Variants in DIAPH3 observed in about 807,000 individuals in gnomAD.
DIAPH3 encodes diaphanous related formin 3, also known as protein diaphanous homolog 3.
In DIAPH3, 117 loss-of-function variants were observed where a neutral mutation model predicts 144.3. The ratio of observed to expected loss-of-function variants is 0.81; its 90% confidence interval spans 0.70 to 0.95. The LOEUF (loss-of-function observed/expected upper bound fraction) is 0.95. Ranked by LOEUF, DIAPH3 falls within the 40% of genes least tolerant of loss-of-function variation. The pLI, the probability that DIAPH3 is intolerant of heterozygous loss-of-function variation, is 0.00. For missense variants in DIAPH3, 1,421 were observed against 1,412.7 expected, an observed-to-expected ratio of 1.01 and a Z score of -0.09; for synonymous variants, 519 against 488.9, an observed-to-expected ratio of 1.06 and a Z score of -0.81.
chr13:59,860,616 T>C (rs2043520417), intron 22 of DIAPH3, among the ~76,000 whole-genome samples: 1 of 151,912 alleles, frequency 6.6e-6, no homozygotes, highest in Non-Finnish European at 1.5e-5. Context: ...CGGGTGCCTG[T>C]AGTCCCAGCT....
Position 59,992,506 on chromosome 13 carries a change from T to C in DIAPH3, c.1092A>G (p.Glu364=). The change falls in exon 10 of 28, where the codon GAA becomes GAG. Residue 364 remains glutamate, a synonymous_variant. Coordinates refer to ENST00000400324, the MANE Select transcript of DIAPH3 (RefSeq NM_001042517.2). ...DLDFRLHIRN[E]FMRCGLKEIL... is the part of the protein sequence containing the mutation. ...TCTCTTTCAATCCACAACGCATAAA[T>C]TCATTTCTGATGTGAAGCCTGAAAT... 3 of 1,612,232 alleles carry C rather than the reference T, an allele frequency of 1.9e-6. No individual in the cohort carries two copies. Among genetic ancestry groups the C allele is most frequent in the Non-Finnish European group, 2.5e-6 (3 of 1,179,116 alleles).
At chr13:59,987,251 C>T (rs2051459788) in intron 12 of DIAPH3, among the ~76,000 whole-genome samples, 1 of 150,916 alleles carries the variant, frequency 6.6e-6, no homozygotes, top group African/African-American at 2.4e-5. Context: ...CGCATATTCT[C>T]ACTCATAGGT....
chr13:60,163,516 G>C, intron 1 of DIAPH3, 71 bp downstream of exon 1: 1 of 1,572,642 alleles, frequency 6.4e-7, no homozygotes, highest in Non-Finnish European at 8.6e-7. Context: ...AAGTTCTTGT[G>C]GGCCCACCCT....
chr13:59,779,255 C>T (rs982741850), intron 25 of DIAPH3, among the ~76,000 whole-genome samples: 8 of 152,190 alleles, frequency 5.3e-5, no homozygotes, highest in Non-Finnish European at 8.8e-5. Flanking sequence ...AACTAACTAC[C>T]TGTGAGACAC....
At position 60,119,766 on chromosome 13, in the gene DIAPH3, A is replaced by G. The variant is rs990215171; in HGVS notation, c.214-7580T>C. ...CGTCTCAAAAAAAAAAAAAAAAAAA[A>G]AAAAAGAAATGATAAATCTTTGCTA... On this transcript the variant is annotated intron_variant, in intron 2 of 27. Transcript: ENST00000400324. Among the ~76,000 whole-genome samples the G allele has an allele frequency of 2.9e-3, 441 of 151,276 alleles. 1 individual carries two copies. Among genetic ancestry groups the G allele is most frequent in the African/African-American group, 9.7e-3 (401 of 41,282 alleles).
At chr13:59,837,752 C>T (rs1488088880) in intron 23 of DIAPH3, 4 of 144,392 alleles carry the variant, frequency 2.8e-5, no homozygotes, top group African/African-American at 1.0e-4. Flanking sequence ...TTGATGAATA[C>T]AGATTTCACC....
intron 24 of DIAPH3, among the ~76,000 whole-genome samples, chr13:59,828,153 T>C (rs2041558971): frequency 6.6e-6 from 1 of 151,932 alleles, no homozygotes; most frequent in South Asian, 2.1e-4. Flanking sequence ...ACCTAGTACC[T>C]CCAATCTGAA....
chr13:60,146,054 C>A (rs887489922), intron 1 of DIAPH3, among the ~76,000 whole-genome samples: 2 of 145,652 alleles, frequency 1.4e-5, no homozygotes, highest in Non-Finnish European at 3.0e-5. Flanking sequence ...CTACTTATTA[C>A]ACCCTCTAAG....
chr13:59,961,515 A>T (rs150727134), intron 17 of DIAPH3, among the ~76,000 whole-genome samples: 92 of 152,308 alleles, frequency 6.0e-4, no homozygotes, highest in African/African-American at 2.1e-3. Flanking sequence ...TGGTTTTAAT[A>T]AAAAATGGCA....
chr13:59,829,644 A>G (rs1016779223), intron 24 of DIAPH3, among the ~76,000 whole-genome samples: 1 of 151,990 alleles, frequency 6.6e-6, no homozygotes, highest in Non-Finnish European at 1.5e-5. Context: ...CAACAAATTT[A>G]TCTATTATAT....
intron 27 of DIAPH3, among the ~76,000 whole-genome samples, chr13:59,766,756 C>T (rs552089809): frequency 1.6e-4 from 24 of 151,676 alleles, no homozygotes; most frequent in African/African-American, 5.1e-4. Context: ...CAGCTATTTT[C>T]CTACTTTTTC....
In DIAPH3 at chr13:59,698,983, AC is replaced by A. The variant is rs1177772853; in HGVS notation, c.3320-32138del. ...GTGATTGCAAAGGATAATCTTTAAT[AC>A]CCAATTATTAATTCAACAGATACTG... On this transcript the variant is annotated intron_variant, in intron 27 of 27. Coordinates refer to ENST00000400324, the MANE Select transcript of DIAPH3 (RefSeq NM_001042517.2). 2.0e-5 allele frequency among the ~76,000 whole-genome samples: 3 copies of A among 152,342 alleles called. No individual in the cohort carries two copies. The East Asian group carries it at 5.8e-4, about 29-fold the overall frequency.
chr13:59,811,429 C>T lies in DIAPH3; in HGVS notation c.3028-506G>A, dbSNP rs148348678. Reference sequence around the variant, plus strand: ...ATTTTTCTAATATAGAGAGAAATGTCGTAAAGGTAACTAAAGAAATATTTC... The same window carrying T: ...ATTTTTCTAATATAGAGAGAAATGTTGTAAAGGTAACTAAAGAAATATTTC... On this transcript the variant is annotated intron_variant, in intron 24 of 27. Transcript: ENST00000400324. Among the ~76,000 whole-genome samples, 265 of 152,094 alleles carry T rather than the reference C, an allele frequency of 1.7e-3. 1 individual carries two copies. The highest frequency in any genetic ancestry group is 0.012 in the East Asian group (62 of 5,168).
Position 60,163,661 on chromosome 13 carries a change from G to A in DIAPH3, c.106C>T (p.Pro36Ser), listed in dbSNP as rs867928919. 1.9e-6 allele frequency: 3 copies of A among 1,607,766 alleles called. No homozygotes were observed. The highest frequency in any genetic ancestry group is 2.2e-5 in the South Asian group (2 of 90,768). Residue 36 changes from proline (P) to serine (S), a missense_variant, in exon 1 of 28, where the codon CCG becomes TCG. Pro to Ser is a moderately conservative substitution (Grantham distance 74, BLOSUM62 -1). Transcript: ENST00000400324. ...SLRGCRESKM[P>S]RRKGPQHPPP... ...GGGTGTTGGGGGCCCTTCCTGCGCG[G>A]CATCTTGCTTTCCCGGCAGCCGCGG...
chr13:59,964,585 T>C (rs1016807798), intron 17 of DIAPH3, among the ~76,000 whole-genome samples: 60 of 152,202 alleles, frequency 3.9e-4, no homozygotes, highest in African/African-American at 1.4e-3. Context: ...AAGTCTTCCT[T>C]GGCTCCAAGC....
At chr13:59,721,846 T>C (rs749102180) in intron 27 of DIAPH3, among the ~76,000 whole-genome samples, 1 of 152,104 alleles carries the variant, frequency 6.6e-6, no homozygotes, top group Non-Finnish European at 1.5e-5. Flanking sequence ...CTGGGTTGCT[T>C]GTGTCCAGAA....
Position 60,163,847 on chromosome 13 carries a change from G to C in DIAPH3, c.-81C>G. On this transcript the variant is annotated 5_prime_UTR_variant, in exon 1 of 28. Transcript: ENST00000400324. ...CTGGAAGCTGAGGGATCGACAACAG[G>C]TTTTACTCCCGGGGTCCGCCACCCA... The C allele has an allele frequency of 6.6e-7, 1 of 1,506,180 alleles. No individual in the cohort carries two copies. Among genetic ancestry groups the C allele is most frequent in the South Asian group, 1.2e-5 (1 of 81,376 alleles). The allele number at this position is 1,506,180 out of a possible 1,614,324, so 93.3% of individuals were successfully genotyped here. A position where few individuals can be genotyped will look rare whatever the true frequency, so the allele number is the denominator to read the frequency against.
intron 23 of DIAPH3, chr13:59,837,587 T>C (rs961002340): frequency 2.0e-5 from 3 of 153,540 alleles, no homozygotes; most frequent in African/African-American, 7.2e-5. Flanking sequence ...GTAGTTCAAT[T>C]AACAGTACTT....
intron 9 of DIAPH3, among the ~76,000 whole-genome samples, chr13:60,007,611 C>T (rs141778234): frequency 3.9e-5 from 6 of 152,278 alleles, no homozygotes; most frequent in African/African-American, 1.2e-4. Flanking sequence ...GTCCAGGTCA[C>T]ACCATGCCAA....
Sources: allele counts gnomAD v4.1 joint callset (sites outside exome capture counted in the v4.1 genomes callset), GRCh38; gene constraint gnomAD v4.1.1; transcripts MANE v1.5; gene names NCBI Gene and HGNC (gene_info 2026-07-23, HGNC 2026-07-21).